The following FAH variants were observed in gnomAD, a reference collection of about 807,000 sequenced individuals.
FAH encodes the protein fumarylacetoacetase.
FAH carries 47 observed loss-of-function variants against 55.8 expected under a neutral mutation model. The observed-to-expected ratio is 0.84, with a 90% CI of 0.67 to 1.07. The LOEUF (loss-of-function observed/expected upper bound fraction) is 1.07, where lower values mean the gene tolerates loss of function less well. FAH is among the 50% of genes least tolerant of loss of function. The pLI, the probability that FAH is intolerant of heterozygous loss-of-function variation, is 0.00. For synonymous variants in FAH, 199 were observed against 207.7 expected, an observed-to-expected ratio of 0.96 and a Z score of 0.36; for missense variants, 495 against 545.9, an observed-to-expected ratio of 0.91 and a Z score of 0.93.
chr15:80,168,331 T>C lies in FAH; in HGVS notation c.606+15T>C. 1 of 1,612,016 alleles carries C rather than the reference T, an allele frequency of 6.2e-7. No homozygotes were observed. The highest frequency in any genetic ancestry group is 1.1e-5 in the South Asian group (1 of 91,072). ...AGCTGGAAATGGTAAGTGAGCTTGA[T>C]GTTTTATTGCCATGGGATCTATAGA... On this transcript the variant is annotated intron_variant, in intron 7 of 13. Coordinates refer to ENST00000561421, the MANE Select transcript of FAH (RefSeq NM_000137.4).
chr15:80,185,063 G>T (rs2041359361), intron 13 of FAH, among the ~76,000 whole-genome samples: 1 of 152,124 alleles, frequency 6.6e-6, no homozygotes, highest in Non-Finnish European at 1.5e-5. Context: ...TTAAATGAAG[G>T]AAACTAATAT....
At chr15:80,169,233 A>G (rs1167723158) in intron 7 of FAH, among the ~76,000 whole-genome samples, 1 of 151,966 alleles carries the variant, frequency 6.6e-6, no homozygotes, top group Non-Finnish European at 1.5e-5. Flanking sequence ...AAATACAAAA[A>G]TTAGCTGGGG....
intron 11 of FAH, among the ~76,000 whole-genome samples, chr15:80,178,528 G>A (rs576006508): frequency 2.6e-5 from 4 of 151,982 alleles, no homozygotes; most frequent in Non-Finnish European, 5.9e-5. Flanking sequence ...TGCAGTGACA[G>A]CTCATTTTTC....
chr15:80,161,095 C>A (rs181442475), intron 4 of FAH, among the ~76,000 whole-genome samples: 96 of 152,242 alleles, frequency 6.3e-4, no homozygotes, highest in African/African-American at 2.1e-3. Context: ...TTGGGCTAAG[C>A]TGACTGGAGG....
chr15:80,156,882 A>T (rs1362061100), intron 1 of FAH: 1 of 152,374 alleles, frequency 6.6e-6, no homozygotes, highest in Non-Finnish European at 1.5e-5. Flanking sequence ...GGCAGCAGGC[A>T]GCTGCACTTG....
Position 80,176,241 on chromosome 15 carries a change from C to T in FAH, c.913+1150C>T, listed in dbSNP as rs562957514. 1.7e-4 allele frequency among the ~76,000 whole-genome samples: 26 copies of T among 152,268 alleles called. No homozygotes were observed. The South Asian group carries it at 5.4e-3, about 32-fold the overall frequency. ...ATGTTGGTCAGGATGGTCTTGAACTCCTAACCTTAGGTGGTCTACCCACCT... is the reference window on the plus strand; with the variant it reads ...ATGTTGGTCAGGATGGTCTTGAACTTCTAACCTTAGGTGGTCTACCCACCT... On this transcript the variant is annotated intron_variant, in intron 10 of 13. Coordinates refer to ENST00000561421, the MANE Select transcript of FAH (RefSeq NM_000137.4).
At chr15:80,154,055 G>C (rs1240112316) in intron 1 of FAH, among the ~76,000 whole-genome samples, 2 of 152,144 alleles carry the variant, frequency 1.3e-5, no homozygotes, top group African/African-American at 4.8e-5. Flanking sequence ...TTGTGGGCCT[G>C]TCTGCGGTAA....
intron 7 of FAH, among the ~76,000 whole-genome samples, chr15:80,169,638 A>G (rs2041223481): frequency 6.6e-6 from 1 of 151,752 alleles, no homozygotes; most frequent in Non-Finnish European, 1.5e-5. Context: ...GGTTCACACC[A>G]TTCTCCTGCC....
chr15:80,169,261 T>C (rs1486116827), intron 7 of FAH, among the ~76,000 whole-genome samples: 1 of 152,018 alleles, frequency 6.6e-6, no homozygotes, highest in Non-Finnish European at 1.5e-5. Context: ...TGGGTGCCTG[T>C]AATCCCAGCT....
At chr15:80,152,792 C>G (rs1595888396), upstream of FAH, 2 of 375,894 alleles carry the variant, frequency 5.3e-6, no homozygotes, top group East Asian at 5.6e-5. Context: ...GGGCGGGGCT[C>G]TGGAAGGGCG....
chr15:80,157,750 G>T, intron 1 of FAH: 1 of 432,406 alleles, frequency 2.3e-6, no homozygotes, highest in East Asian at 4.9e-5. Context: ...AATGCCTAGG[G>T]AACTTTGCAG....
intron 2 of FAH, 72 bp downstream of exon 2, chr15:80,158,242 C>T: frequency 9.6e-7 from 1 of 1,039,492 alleles, no homozygotes; most frequent in Non-Finnish European, 1.5e-6. Flanking sequence ...GAGAATGCTC[C>T]TTGCGTTCCA....
At position 80,158,183 on chromosome 15, in the gene FAH, G is replaced by A. The variant is rs374662718; in HGVS notation, c.192+13G>A. Reference sequence around the variant, plus strand: ...TGTCTTCAATCAGGTAGGACATTGTGAAACGACTTGTCCCTGACCTCAGTG... The same window carrying A: ...TGTCTTCAATCAGGTAGGACATTGTAAAACGACTTGTCCCTGACCTCAGTG... On this transcript the variant is annotated intron_variant, in intron 2 of 13. Coordinates refer to ENST00000561421, the MANE Select transcript of FAH (RefSeq NM_000137.4). 1.3e-6 allele frequency: 2 copies of A among 1,576,004 alleles called. No homozygotes were observed. Among genetic ancestry groups the A allele is most frequent in the South Asian group, 2.2e-5 (2 of 90,352 alleles).
chr15:80,155,997 C>T (rs2041095765), intron 1 of FAH: 1 of 463,526 alleles, frequency 2.2e-6, no homozygotes, highest in East Asian at 5.8e-5. Context: ...CACAGCACCA[C>T]AGGGAGGGGT....
chr15:80,154,103 T>A lies in FAH; in HGVS notation c.81+968T>A, dbSNP rs536247409. Among the ~76,000 whole-genome samples, 14 of 152,296 alleles carry A rather than the reference T, an allele frequency of 9.2e-5. No individual in the cohort carries two copies. The South Asian group carries it at 2.9e-3, about 32-fold the overall frequency. On this transcript the variant is annotated intron_variant, in intron 1 of 13. Transcript: ENST00000561421. ...AGAAGAGTCAACTTGTGGTTTCACATCTGGCCGGGCTGACCAGATGTTGCA... is the reference window on the plus strand; with the variant it reads ...AGAAGAGTCAACTTGTGGTTTCACAACTGGCCGGGCTGACCAGATGTTGCA...
intron 11 of FAH, among the ~76,000 whole-genome samples, chr15:80,178,821 C>A (rs897028733): frequency 6.6e-6 from 1 of 152,050 alleles, no homozygotes. Context: ...ATCTCCTGAC[C>A]TTGTGATCCG....
Position 80,173,110 on chromosome 15 carries a change from C to A in FAH, c.803C>A (p.Ala268Asp), listed in dbSNP as rs1445884375. ...TCTCCGTGGGTGGTGCCCATGGATGCTCTCATGCCCTTTGCTGTGCCCAAC... is the reference window on the plus strand; with the variant it reads ...TCTCCGTGGGTGGTGCCCATGGATGATCTCATGCCCTTTGCTGTGCCCAAC... ...TVSPWVVPMD[A>D]LMPFAVPNPK... is the part of the protein sequence containing the mutation. Residue 268 changes from alanine to aspartate, a missense_variant, in exon 9 of 14, where the codon GCT becomes GAT. By Grantham distance (126) the Ala-to-Asp change is moderately radical. Coordinates refer to ENST00000561421, the MANE Select transcript of FAH (RefSeq NM_000137.4). 6.2e-7 allele frequency: 1 copy of A among 1,614,216 alleles called. No individual in the cohort carries two copies. The highest frequency in any genetic ancestry group is 8.5e-7 in the Non-Finnish European group (1 of 1,180,036).
chr15:80,177,475 T>C, intron 10 of FAH, 62 bp from the exon 11 acceptor site: 1 of 1,427,804 alleles, frequency 7.0e-7, no homozygotes, highest in Non-Finnish European at 9.9e-7. Context: ...CAATTCTTTT[T>C]TTATTTTCCT....
At chr15:80,163,556 G>C (rs555879695) in intron 5 of FAH, 1 of 152,306 alleles carries the variant, frequency 6.6e-6, no homozygotes, top group African/African-American at 2.4e-5. Flanking sequence ...CTTGCCCCAT[G>C]TCCTTCTGCA....
Sources: allele counts gnomAD v4.1 joint callset (sites outside exome capture counted in the v4.1 genomes callset), GRCh38; gene constraint gnomAD v4.1.1; transcripts MANE v1.5; gene names NCBI Gene and HGNC (gene_info 2026-07-23, HGNC 2026-07-21).